NDUFAF6: variants seen among roughly 807,000 people sequenced by gnomAD.
The protein encoded by NDUFAF6 is NADH dehydrogenase (ubiquinone) complex I, assembly factor 6.
In NDUFAF6, 45 loss-of-function variants were observed where a neutral mutation model predicts 40.8. The observed-to-expected ratio is 1.10, with a 90% CI of 0.87 to 1.42. The LOEUF (loss-of-function observed/expected upper bound fraction) is 1.42. Ranked by LOEUF, NDUFAF6 falls within the 40% of genes most tolerant of loss-of-function variation. The probability of loss-of-function intolerance (pLI) is 0.00; values close to 1 mark genes in which losing one functional copy is unlikely to be tolerated. For synonymous variants in NDUFAF6, 185 were observed against 155.9 expected, an observed-to-expected ratio of 1.19 and a Z score of -1.39; for missense variants, 435 against 418.5, an observed-to-expected ratio of 1.04 and a Z score of -0.34.
intron 1 of NDUFAF6, among the ~76,000 whole-genome samples, chr8:94,962,947 C>A (rs1411304143): frequency 6.6e-6 from 1 of 151,912 alleles, no homozygotes; most frequent in Non-Finnish European, 1.5e-5. Context: ...CCCACCATCA[C>A]GCCCATCTAA....
intron 1 of NDUFAF6, among the ~76,000 whole-genome samples, chr8:94,906,563 G>A (rs533386396): frequency 2.0e-5 from 3 of 152,144 alleles, no homozygotes; most frequent in South Asian, 4.1e-4. Context: ...TTCCCTCCAC[G>A]TGAGCTAGCC....
intron 2 of NDUFAF6, among the ~76,000 whole-genome samples, chr8:95,093,861 C>G (rs1383080332): frequency 6.6e-6 from 1 of 152,248 alleles, no homozygotes; most frequent in Non-Finnish European, 1.5e-5. Context: ...TGCCACACAT[C>G]TTCCCTGCAA....
chr8:94,935,176 T>G (rs575479248), intron 1 of NDUFAF6, among the ~76,000 whole-genome samples: 65 of 80,898 alleles, frequency 8.0e-4, no homozygotes, highest in African/African-American at 2.8e-3. Flanking sequence ...TAGATAGATA[T>G]AATACAATAC....
chr8:94,911,300 T>C (rs1243149752), intron 1 of NDUFAF6, among the ~76,000 whole-genome samples: 1 of 152,232 alleles, frequency 6.6e-6, no homozygotes, highest in Non-Finnish European at 1.5e-5. Flanking sequence ...AGGTTTGGAA[T>C]TAATAAATTA....
chr8:95,064,038 ATTTTTTTTTTT>A (rs1160777112), intron 9 of NDUFAF6, among the ~76,000 whole-genome samples: 2 of 104,808 alleles, frequency 1.9e-5, no homozygotes, highest in Admixed American at 2.2e-4. Flanking sequence ...CGCCTGGCTA[ATTTTTTTTTTT>A]TTTTTTTTTT....
At chr8:95,084,780 C>G (rs186612635) in intron 2 of NDUFAF6, among the ~76,000 whole-genome samples, 1 of 152,310 alleles carries the variant, frequency 6.6e-6, no homozygotes, top group Admixed American at 6.5e-5. Context: ...TGTACCAAAA[C>G]AACACTTGGG....
chr8:95,007,583 G>T (rs1451581663), intron 2 of NDUFAF6, among the ~76,000 whole-genome samples: 1 of 151,346 alleles, frequency 6.6e-6, no homozygotes, highest in Non-Finnish European at 1.5e-5. Context: ...AGGATCGCTT[G>T]AGCCTGGGAA....
At chr8:95,098,945 A>G (rs1174865095), upstream of NDUFAF6, among the ~76,000 whole-genome samples, 2 of 151,504 alleles carry the variant, frequency 1.3e-5, no homozygotes, top group African/African-American at 4.9e-5. Flanking sequence ...ACAAAAAACA[A>G]AAAACTGGCT....
chr8:95,099,595 G>A (rs11783185), upstream of NDUFAF6, among the ~76,000 whole-genome samples: 33,953 of 151,246 alleles, frequency 0.22, 4,748 homozygotes, highest in African/African-American at 0.4. Context: ...TAAAAAAAAA[G>A]AAAAAGAAAG....
chr8:95,065,790 T>A (rs1832688349), intron 9 of NDUFAF6, among the ~76,000 whole-genome samples: 1 of 152,216 alleles, frequency 6.6e-6, no homozygotes, highest in Non-Finnish European at 1.5e-5. Flanking sequence ...TTTATATACT[T>A]CTGTCACTTC....
chr8:95,024,883 C>T (rs553439110), upstream of NDUFAF6: 1 of 847,936 alleles, frequency 1.2e-6, no homozygotes, highest in African/African-American at 1.8e-5. Flanking sequence ...CCTGGCTCTT[C>T]TTTGAGCGGC....
rs57749627 is a variant in NDUFAF6 at position 94,904,320 on chromosome 8, CTTTTTTTTTTTTTTTTTT to C, written c.-936+8413_-936+8430del. Among the ~76,000 whole-genome samples the C allele has an allele frequency of 7.0e-3, 240 of 34,138 alleles. 4 individuals are homozygous for C. Among genetic ancestry groups the C allele is most frequent in the South Asian group, 0.013 (11 of 852 alleles). The allele number at this position is 34,138 out of a possible 152,430, so 22.4% of individuals were successfully genotyped here. A position where few individuals can be genotyped will look rare whatever the true frequency, so the allele number is the denominator to read the frequency against. On this transcript the variant is annotated intron_variant, in intron 1 of 14. Transcript: ENST00000396113. ...CATCACACCTGGCTAATTTTTTTTG[CTTTTTTTTTTTTTTTTTT>C]TTTTTTTTTTTTTTTTTTTAGTAAA...
At chr8:95,053,285 A>G (rs909947482) in intron 8 of NDUFAF6, among the ~76,000 whole-genome samples, 6 of 152,220 alleles carry the variant, frequency 3.9e-5, no homozygotes, top group Non-Finnish European at 8.8e-5. Context: ...GTATCTAGAG[A>G]TAATGTCTGT....
chr8:94,922,623 T>C (rs2467673), intron 1 of NDUFAF6, among the ~76,000 whole-genome samples: 133,274 of 151,932 alleles, frequency 0.88, 58,550 homozygotes, highest in Admixed American at 0.9. Context: ...GGATTACAGG[T>C]GCCCGGCACC....
chr8:94,984,142 A>T (rs920230800), intron 2 of NDUFAF6: 1 of 152,226 alleles, frequency 6.6e-6, no homozygotes, highest in African/African-American at 2.4e-5. Flanking sequence ...CAGAGGTCCT[A>T]TCAAAATAGT....
chr8:95,054,488 G>T (rs906110276), intron 8 of NDUFAF6, among the ~76,000 whole-genome samples: 2 of 150,542 alleles, frequency 1.3e-5, no homozygotes, highest in Non-Finnish European at 2.9e-5. Flanking sequence ...AGGCTGGAGT[G>T]CAATGGCATG....
At chr8:94,966,905 A>G (rs1187649402) in intron 1 of NDUFAF6, among the ~76,000 whole-genome samples, 1 of 152,160 alleles carries the variant, frequency 6.6e-6, no homozygotes, top group East Asian at 1.9e-4. Flanking sequence ...CTCACTACAT[A>G]ACTTCTGCTT....
chr8:95,050,484 ATCT>A (rs1320415880), intron 7 of NDUFAF6, among the ~76,000 whole-genome samples: 1 of 152,212 alleles, frequency 6.6e-6, no homozygotes, highest in East Asian at 1.9e-4. Flanking sequence ...TAATCATGTA[ATCT>A]TAACCTCTCT....
chr8:95,058,879 C>T (rs1306133952), downstream of NDUFAF6, among the ~76,000 whole-genome samples: 1 of 152,038 alleles, frequency 6.6e-6, no homozygotes, highest in Non-Finnish European at 1.5e-5. Flanking sequence ...TCCAAAACCC[C>T]ATCTCGACCA....
Sources: allele counts gnomAD v4.1 joint callset (sites outside exome capture counted in the v4.1 genomes callset), GRCh38; gene constraint gnomAD v4.1.1; transcripts MANE v1.5; gene names NCBI Gene and HGNC (gene_info 2026-07-23, HGNC 2026-07-21).